The following NELL1 variants were observed in gnomAD, a reference collection of about 807,000 sequenced individuals.
NELL1 encodes the protein neural EGFL like 1, also known as protein kinase C-binding protein NELL1.
NELL1 carries 76 observed loss-of-function variants against 107.4 expected under a neutral mutation model. That is an observed-to-expected ratio of 0.71 (90% confidence interval 0.59 to 0.86). The LOEUF (loss-of-function observed/expected upper bound fraction) is 0.86. Ranked by LOEUF, NELL1 falls within the 40% of genes least tolerant of loss-of-function variation. The pLI is 0.00. For synonymous variants in NELL1, 353 were observed against 341.2 expected (o/e 1.03, Z -0.38); for missense variants, 1,024 against 1,005.5 (o/e 1.02, Z -0.25).
intron 2 of NELL1, among the ~76,000 whole-genome samples, chr11:20,690,310 G>A (rs1436218813): frequency 6.6e-6 from 1 of 152,126 alleles, no homozygotes; most frequent in African/African-American, 2.4e-5. Context: ...GTCAACTTTG[G>A]CTTTTGTTGC....
At chr11:20,850,495 T>G (rs1848776277) in intron 4 of NELL1, among the ~76,000 whole-genome samples, 2 of 152,192 alleles carry the variant, frequency 1.3e-5, no homozygotes, top group African/African-American at 4.8e-5. Context: ...CTTTTTAAGA[T>G]GAGGAAACTG....
intron 14 of NELL1, among the ~76,000 whole-genome samples, chr11:21,290,402 A>G (rs1237696620): frequency 1.4e-4 from 11 of 76,356 alleles, no homozygotes; most frequent in South Asian, 4.3e-4. Flanking sequence ...TAAATAGATA[A>G]ATAAATAAAT....
At chr11:21,541,380 A>G (rs912366874) in intron 16 of NELL1, among the ~76,000 whole-genome samples, 4 of 152,138 alleles carry the variant, frequency 2.6e-5, no homozygotes, top group Admixed American at 2.6e-4. Context: ...CATGCAAAGC[A>G]ATATGAAACA....
At chr11:21,464,405 A>C (rs1463861005) in intron 15 of NELL1, among the ~76,000 whole-genome samples, 2 of 50,646 alleles carry the variant, frequency 3.9e-5, no homozygotes, top group African/African-American at 1.1e-4. Flanking sequence ...TCCGTGGCAA[A>C]AAAAAAAAAA....
chr11:20,866,730 A>G (rs754673369), intron 4 of NELL1, among the ~76,000 whole-genome samples: 38 of 152,194 alleles, frequency 2.5e-4, no homozygotes, highest in Non-Finnish European at 4.0e-4. Context: ...TATCACGTCA[A>G]TCACCTCATC....
chr11:21,366,784 A>G (rs927807932), intron 14 of NELL1, among the ~76,000 whole-genome samples: 24 of 152,248 alleles, frequency 1.6e-4, no homozygotes, highest in East Asian at 1.5e-3. Flanking sequence ...TTTACCTTCT[A>G]ACAGATGGTG....
At chr11:21,330,839 C>T (rs1004713994) in intron 14 of NELL1, among the ~76,000 whole-genome samples, 1 of 151,928 alleles carries the variant, frequency 6.6e-6, no homozygotes, top group African/African-American at 2.4e-5. Flanking sequence ...TCTTCTGGCA[C>T]CCCAATTTTG....
intron 16 of NELL1, among the ~76,000 whole-genome samples, chr11:21,554,517 G>T (rs997086042): frequency 6.6e-6 from 1 of 151,754 alleles, no homozygotes. Flanking sequence ...AGGAGTGGTG[G>T]TACAGATTTG....
chr11:20,795,264 G>A (rs567917834), intron 3 of NELL1, among the ~76,000 whole-genome samples: 1 of 152,226 alleles, frequency 6.6e-6, no homozygotes, highest in South Asian at 2.1e-4. Context: ...TATCTTAAGT[G>A]GGCAGATAAA....
At chr11:21,334,860 G>A (rs1291952207) in intron 14 of NELL1, among the ~76,000 whole-genome samples, 1 of 151,942 alleles carries the variant, frequency 6.6e-6, no homozygotes, top group Non-Finnish European at 1.5e-5. Context: ...GAAGGAGATT[G>A]AGAGCAGGTA....
Position 21,575,339 on chromosome 11 carries a change from A to T in NELL1, c.*317A>T. The T allele has an allele frequency of 4.1e-6, 1 of 243,642 alleles. No individual in the cohort carries two copies. The highest frequency in any genetic ancestry group is 8.0e-6 in the Non-Finnish European group (1 of 124,556). The allele number at this position is 243,642 out of a possible 1,614,324, so 15.1% of individuals were successfully genotyped here. A position where few individuals can be genotyped will look rare whatever the true frequency, so the allele number is the denominator to read the frequency against. On this transcript the variant is annotated 3_prime_UTR_variant, in exon 20 of 20. Transcript: ENST00000357134. ...ATACATTTAAATGATCTCATGGTAA[A>T]TGTTGATGTATTTTTTGGTTTATTT...
intron 14 of NELL1, among the ~76,000 whole-genome samples, chr11:21,251,877 G>A (rs1200225182): frequency 6.6e-6 from 1 of 152,070 alleles, no homozygotes; most frequent in Non-Finnish European, 1.5e-5. Flanking sequence ...CATACACTAA[G>A]ATGAAGTTCT....
intron 14 of NELL1, among the ~76,000 whole-genome samples, chr11:21,246,669 A>C (rs186472987): frequency 6.6e-6 from 1 of 152,292 alleles, no homozygotes; most frequent in African/African-American, 2.4e-5. Flanking sequence ...ACACAATGGT[A>C]ATATTTGTCT....
intron 15 of NELL1, among the ~76,000 whole-genome samples, chr11:21,427,919 T>C (rs1217506447): frequency 6.6e-6 from 1 of 152,130 alleles, no homozygotes; most frequent in Non-Finnish European, 1.5e-5. Flanking sequence ...TCTGAATACA[T>C]AGTTTGCACA....
intron 18 of NELL1, 103 bp from the exon 19 acceptor site, chr11:21,573,082 T>C: frequency 1.2e-6 from 1 of 833,684 alleles, no homozygotes; most frequent in Non-Finnish European, 2.0e-6. Context: ...ACTAGAAATA[T>C]TCAGTGATGA....
At chr11:20,869,483 A>T (rs1045076878) in intron 4 of NELL1, among the ~76,000 whole-genome samples, 1 of 152,230 alleles carries the variant, frequency 6.6e-6, no homozygotes, top group Non-Finnish European at 1.5e-5. Flanking sequence ...CAACTGAGCC[A>T]GTTCATCCAT....
intron 2 of NELL1, among the ~76,000 whole-genome samples, chr11:20,693,064 C>A (rs1423283997): frequency 2.6e-5 from 4 of 151,720 alleles, no homozygotes; most frequent in Non-Finnish European, 4.4e-5. Flanking sequence ...CTCTTTTGAT[C>A]TTTGTTGGTT....
At chr11:21,368,829 C>G (rs753867892) in intron 14 of NELL1, among the ~76,000 whole-genome samples, 1 of 152,014 alleles carries the variant, frequency 6.6e-6, no homozygotes, top group Non-Finnish European at 1.5e-5. Flanking sequence ...ATTCTGTTAT[C>G]AGCTAATTTT....
chr11:21,031,198 C>T (rs1159423190), intron 12 of NELL1, among the ~76,000 whole-genome samples: 2 of 152,156 alleles, frequency 1.3e-5, no homozygotes, highest in South Asian at 2.1e-4. Context: ...CCGTTCTGTG[C>T]ACTTCCCTGC....
Sources: allele counts gnomAD v4.1 joint callset (sites outside exome capture counted in the v4.1 genomes callset), GRCh38; gene constraint gnomAD v4.1.1; transcripts MANE v1.5; gene names NCBI Gene and HGNC (gene_info 2026-07-23, HGNC 2026-07-21).